The following ZNF407 variants were observed in gnomAD, a reference collection of about 807,000 sequenced individuals.
The protein encoded by ZNF407 is zinc finger protein 407.
Under a neutral mutation model 131.2 loss-of-function variants are expected in ZNF407, and 17 were observed. That is an observed-to-expected ratio of 0.13 (90% CI 0.09 to 0.19). The LOEUF (loss-of-function observed/expected upper bound fraction) is 0.19, where lower values mean the gene tolerates loss of function less well. Ranked by LOEUF, ZNF407 falls within the 10% of genes least tolerant of loss-of-function variation. ZNF407 has a pLI of 1.00. For synonymous variants in ZNF407, 1,156 were observed against 1,062.0 expected (o/e 1.09, Z -1.72); for missense variants, 2,681 against 2,830.6 (o/e 0.95, Z 1.20).
chr18:74,682,262 G>A (rs1273118986), intron 3 of ZNF407, among the ~76,000 whole-genome samples: 1 of 152,182 alleles, frequency 6.6e-6, no homozygotes, highest in Non-Finnish European at 1.5e-5. Flanking sequence ...TACCAAGCAT[G>A]TAACTACCTG....
chr18:75,055,147 A>G (rs1348731770), intron 8 of ZNF407, among the ~76,000 whole-genome samples: 1 of 152,208 alleles, frequency 6.6e-6, no homozygotes, highest in Non-Finnish European at 1.5e-5. Context: ...TTTATTTCAA[A>G]TAGGACTGAA....
At chr18:74,890,101 A>G in intron 7 of ZNF407, 63 bp downstream of exon 7, 1 of 1,385,632 alleles carries the variant, frequency 7.2e-7, no homozygotes, top group Non-Finnish European at 9.4e-7. Flanking sequence ...AAAGCCCGTT[A>G]AATCCCAATT....
At chr18:74,683,377 A>G (rs2144782072) in intron 3 of ZNF407, among the ~76,000 whole-genome samples, 1 of 152,342 alleles carries the variant, frequency 6.6e-6, no homozygotes, top group East Asian at 1.9e-4. Context: ...TAGAACAACA[A>G]ACTATTAGGT....
intron 4 of ZNF407, among the ~76,000 whole-genome samples, chr18:74,858,502 T>G (rs957078080): frequency 1.3e-5 from 2 of 152,180 alleles, no homozygotes; most frequent in Non-Finnish European, 2.9e-5. Flanking sequence ...ATTCCCTTCA[T>G]GAATTTGTTT....
intron 4 of ZNF407, among the ~76,000 whole-genome samples, chr18:74,827,958 A>G (rs1346976354): frequency 2.0e-5 from 3 of 151,992 alleles, no homozygotes; most frequent in Non-Finnish European, 4.4e-5. Context: ...ATTATAGTTA[A>G]TATTTGTTTG....
At chr18:74,598,837 G>A (rs541548623) in intron 1 of ZNF407, among the ~76,000 whole-genome samples, 2 of 152,394 alleles carry the variant, frequency 1.3e-5, no homozygotes, top group African/African-American at 4.8e-5. Flanking sequence ...GGGTGCAGTG[G>A]CCGCTGACCT....
At chr18:75,020,313 T>C (rs1973093562) in intron 8 of ZNF407, among the ~76,000 whole-genome samples, 1 of 45,604 alleles carries the variant, frequency 2.2e-5, no homozygotes, top group South Asian at 1.4e-3. Context: ...TGTGTGTATG[T>C]GCATGTGTGT....
At chr18:74,755,719 TC>T (rs1380259706) in intron 3 of ZNF407, among the ~76,000 whole-genome samples, 13 of 128,198 alleles carry the variant, frequency 1.0e-4, no homozygotes, top group African/African-American at 3.9e-4. Flanking sequence ...CTGCCTCTCT[TC>T]TTTCTTTCCT....
intron 1 of ZNF407, among the ~76,000 whole-genome samples, chr18:74,609,687 C>T (rs1052203713): frequency 3.9e-5 from 6 of 152,124 alleles, no homozygotes; most frequent in Admixed American, 6.6e-5. Flanking sequence ...TCACCACAAA[C>T]GTGAGAAATG....
chr18:74,662,695 C>A (rs760611424), intron 3 of ZNF407, among the ~76,000 whole-genome samples: 26 of 152,150 alleles, frequency 1.7e-4, no homozygotes, highest in Non-Finnish European at 3.2e-4. Context: ...ATGCATTCAA[C>A]CAGTAGGATC....
chr18:74,915,707 G>A (rs1310418234), intron 7 of ZNF407, among the ~76,000 whole-genome samples: 1 of 98,220 alleles, frequency 1.0e-5, no homozygotes, highest in Non-Finnish European at 2.1e-5. Flanking sequence ...GTGTGTGTGT[G>A]TGTGTGTGTG....
In ZNF407 at chr18:75,029,637, G is replaced by A. The variant is rs114791642; in HGVS notation, c.5429-33513G>A. Reference sequence around the variant, plus strand: ...TGTGCCTGGGTGTGCGTGGGTGTGCGTGCGTGTGCATGCGCAGGGCATGCG... The same window carrying A: ...TGTGCCTGGGTGTGCGTGGGTGTGCATGCGTGTGCATGCGCAGGGCATGCG... On this transcript the variant is annotated intron_variant, in intron 8 of 8. Coordinates refer to ENST00000299687, the MANE Select transcript of ZNF407 (RefSeq NM_017757.3). Among the ~76,000 whole-genome samples the A allele has an allele frequency of 2.2e-3, 342 of 152,336 alleles. 2 individuals are homozygous for A. The highest frequency in any genetic ancestry group is 7.2e-3 in the African/African-American group (300 of 41,572).
At chr18:74,947,450 A>G (rs758885637) in intron 8 of ZNF407, among the ~76,000 whole-genome samples, 1 of 152,212 alleles carries the variant, frequency 6.6e-6, no homozygotes, top group Non-Finnish European at 1.5e-5. Flanking sequence ...GGCAGGGTAC[A>G]TAAAGAACTT....
At position 74,631,612 on chromosome 18, in the gene ZNF407, G is replaced by C. The variant is rs1421211205; in HGVS notation, c.593G>C (p.Cys198Ser). 4.3e-6 allele frequency: 7 copies of C among 1,613,644 alleles called. No homozygotes were observed. In the Admixed American group the frequency reaches 6.7e-5, roughly 15 times the overall value. ...CSICGHLFSS[C>S]SDLEKHAESH... ...ATCTGTGGGCATTTGTTTTCTTCTTGCTCTGACTTGGAAAAACATGCTGAG... is the reference window on the plus strand; with the variant it reads ...ATCTGTGGGCATTTGTTTTCTTCTTCCTCTGACTTGGAAAAACATGCTGAG... Residue 198 changes from cysteine to serine, a missense_variant, in exon 2 of 9, where the codon TGC becomes TCC. Cys to Ser is a moderately radical substitution (Grantham distance 112). Transcript: ENST00000299687.
chr18:74,807,439 G>A (rs1438812577), intron 4 of ZNF407, among the ~76,000 whole-genome samples: 1 of 152,120 alleles, frequency 6.6e-6, no homozygotes, highest in Non-Finnish European at 1.5e-5. Context: ...CACAGGGCAA[G>A]CAAGACTTTG....
intron 4 of ZNF407, among the ~76,000 whole-genome samples, chr18:74,822,648 T>C (rs1189507993): frequency 6.6e-6 from 1 of 152,250 alleles, no homozygotes; most frequent in Admixed American, 6.5e-5. Flanking sequence ...ACCAGTACCA[T>C]GCTATTTTGG....
chr18:74,764,467 C>T (rs930228749), intron 3 of ZNF407, among the ~76,000 whole-genome samples: 2 of 152,070 alleles, frequency 1.3e-5, no homozygotes, highest in African/African-American at 4.8e-5. Flanking sequence ...CCTCTGTATC[C>T]TTGGGTTCTA....
chr18:74,714,097 T>TTA (rs1967834541), intron 3 of ZNF407, among the ~76,000 whole-genome samples: 1 of 152,258 alleles, frequency 6.6e-6, no homozygotes. Flanking sequence ...AGTTACTTTC[T>TTA]TATATCAACT....
In ZNF407 at chr18:74,631,867, T is replaced by A. The variant is rs1313492229; in HGVS notation, c.848T>A (p.Ile283Asn). ...GCTGCTCGTGGAGGATTTGTACAGA[T>A]CTTAACAAAACAACCTTTTCCTAAA... ...NLAARGGFVQ[I>N]LTKQPFPKKS... The change falls in exon 2 of 9, where the codon ATC becomes AAC. Residue 283 changes from isoleucine to asparagine, a missense_variant. By Grantham distance (149) the Ile-to-Asn change is moderately radical (BLOSUM62 -3). Transcript: ENST00000299687. 3 of 1,613,812 alleles carry A rather than the reference T, an allele frequency of 1.9e-6. No homozygotes were observed. Among genetic ancestry groups the A allele is most frequent in the Non-Finnish European group, 1.7e-6 (2 of 1,179,892 alleles).
Sources: allele counts gnomAD v4.1 joint callset (sites outside exome capture counted in the v4.1 genomes callset), GRCh38; gene constraint gnomAD v4.1.1; transcripts MANE v1.5; gene names NCBI Gene and HGNC (gene_info 2026-07-23, HGNC 2026-07-21).